The following PDGFC variants were observed in gnomAD, a reference collection of about 807,000 sequenced individuals.
The protein encoded by PDGFC is platelet-derived growth factor C.
In PDGFC, 12 loss-of-function variants were observed where a neutral mutation model predicts 35.5. That is an observed-to-expected ratio of 0.34 (90% CI 0.22 to 0.55). The LOEUF (loss-of-function observed/expected upper bound fraction) is 0.55, where lower values mean the gene tolerates loss of function less well. Among genes scored for constraint, PDGFC ranks in the 20% least tolerant of loss-of-function variants. The probability of loss-of-function intolerance (pLI) is 0.91; values close to 1 mark genes in which losing one functional copy is unlikely to be tolerated. For synonymous variants in PDGFC, 159 were observed against 148.8 expected (o/e 1.07, Z -0.50); for missense variants, 322 against 412.4 (o/e 0.78, Z 1.90).
intron 2 of PDGFC, among the ~76,000 whole-genome samples, chr4:156,829,991 C>T (rs2111017725): frequency 6.6e-6 from 1 of 152,042 alleles, no homozygotes; most frequent in African/African-American, 2.4e-5. Flanking sequence ...TTTAATAGAA[C>T]CAAATAGAAA....
chr4:156,769,824 C>T (rs192900534), intron 4 of PDGFC, among the ~76,000 whole-genome samples: 47 of 152,066 alleles, frequency 3.1e-4, no homozygotes, highest in African/African-American at 9.9e-4. Flanking sequence ...TATATATGAG[C>T]TTATTTGAAG....
chr4:156,924,525 CT>C (rs1400357017), intron 1 of PDGFC, among the ~76,000 whole-genome samples: 3 of 152,126 alleles, frequency 2.0e-5, no homozygotes, highest in Admixed American at 2.0e-4. Flanking sequence ...AAGGTAGCTC[CT>C]TTAGGGGTCA....
At chr4:156,859,672 G>A (rs981789580) in intron 1 of PDGFC, among the ~76,000 whole-genome samples, 2 of 151,940 alleles carry the variant, frequency 1.3e-5, no homozygotes. Flanking sequence ...AACAATTTTT[G>A]TCAATCTTAA....
At chr4:156,785,124 A>C (rs1731087950) in intron 3 of PDGFC, among the ~76,000 whole-genome samples, 1 of 152,248 alleles carries the variant, frequency 6.6e-6, no homozygotes, top group Non-Finnish European at 1.5e-5. Context: ...TGTGATATAA[A>C]CTATAAAGCA....
chr4:156,803,476 GA>G (rs1447768827), intron 3 of PDGFC, among the ~76,000 whole-genome samples: 1 of 152,100 alleles, frequency 6.6e-6, no homozygotes, highest in African/African-American at 2.4e-5. Context: ...GAGGGTGACA[GA>G]AAGTGAAAGA....
chr4:156,955,568 A>G (rs975089200), intron 1 of PDGFC, among the ~76,000 whole-genome samples: 1 of 152,058 alleles, frequency 6.6e-6, no homozygotes, highest in Non-Finnish European at 1.5e-5. Flanking sequence ...TGATAAAATA[A>G]TAATACGAAA....
chr4:156,801,928 A>G (rs1415515436), intron 3 of PDGFC, among the ~76,000 whole-genome samples: 1 of 152,222 alleles, frequency 6.6e-6, no homozygotes, highest in East Asian at 1.9e-4. Context: ...AAAAGGTTAA[A>G]TATCTTCACA....
intron 1 of PDGFC, among the ~76,000 whole-genome samples, chr4:156,918,780 G>A (rs964911386): frequency 6.6e-6 from 1 of 152,092 alleles, no homozygotes; most frequent in African/African-American, 2.4e-5. Context: ...GGTCAGGGAC[G>A]GCTTCCTTAA....
intron 2 of PDGFC, among the ~76,000 whole-genome samples, chr4:156,823,763 G>A (rs1223372094): frequency 3.9e-5 from 6 of 152,072 alleles, no homozygotes; most frequent in Non-Finnish European, 5.9e-5. Flanking sequence ...TCAATATGTC[G>A]AAGAGATATC....
intron 3 of PDGFC, among the ~76,000 whole-genome samples, chr4:156,793,178 A>G (rs28562092): frequency 0.077 from 11,652 of 152,120 alleles, 1,496 homozygotes; most frequent in African/African-American, 0.26. Flanking sequence ...AAAGGAGTCA[A>G]ATGTTGATAG....
At chr4:156,789,287 A>G (rs1233629549) in intron 3 of PDGFC, among the ~76,000 whole-genome samples, 1 of 152,230 alleles carries the variant, frequency 6.6e-6, no homozygotes, top group Non-Finnish European at 1.5e-5. Context: ...AAATAGTAAC[A>G]TAGAAAATAA....
chr4:156,831,795 G>A lies in PDGFC; in HGVS notation c.314+18426C>T, dbSNP rs576185666. On this transcript the variant is annotated intron_variant, in intron 2 of 5. Transcript: ENST00000502773. Reference sequence around the variant, plus strand: ...AATGTAACTGGCTTTTTAAAAACAAGGACACTAGACTGTATTTCGAGTAAT... The same window carrying A: ...AATGTAACTGGCTTTTTAAAAACAAAGACACTAGACTGTATTTCGAGTAAT... Among the ~76,000 whole-genome samples the A allele has an allele frequency of 1.5e-4, 23 of 151,982 alleles. No homozygotes were observed. The South Asian group carries it at 4.6e-3, about 30-fold the overall frequency.
At chr4:156,925,273 G>A (rs1731380442) in intron 1 of PDGFC, among the ~76,000 whole-genome samples, 1 of 152,168 alleles carries the variant, frequency 6.6e-6, no homozygotes, top group Non-Finnish European at 1.5e-5. Context: ...AGGCTGGACA[G>A]GCTCTTATGT....
At chr4:156,876,358 G>A (rs1730116460) in intron 1 of PDGFC, 1 of 152,112 alleles carries the variant, frequency 6.6e-6, no homozygotes, top group Non-Finnish European at 1.5e-5. Context: ...TTTCCTTATT[G>A]AAAAAAGTTA....
At position 156,900,669 on chromosome 4, in the gene PDGFC, C is replaced by T. The variant is rs149446063; in HGVS notation, c.119-50253G>A. Reference sequence around the variant, plus strand: ...CAGCAAGGGCAACATGGCAAAACATCATCTCTACAAAAAATATTTTAAAAA... The same window carrying T: ...CAGCAAGGGCAACATGGCAAAACATTATCTCTACAAAAAATATTTTAAAAA... On this transcript the variant is annotated intron_variant, in intron 1 of 5. Coordinates refer to ENST00000502773, the MANE Select transcript of PDGFC (RefSeq NM_016205.3). 3.5e-3 allele frequency among the ~76,000 whole-genome samples: 532 copies of T among 152,090 alleles called. 4 individuals carry two copies. Among genetic ancestry groups the T allele is most frequent in the African/African-American group, 0.012 (502 of 41,494 alleles).
At chr4:156,818,830 A>G (rs1416702160) in intron 2 of PDGFC, among the ~76,000 whole-genome samples, 1 of 152,162 alleles carries the variant, frequency 6.6e-6, no homozygotes, top group African/African-American at 2.4e-5. Flanking sequence ...ATTTAAAGTG[A>G]GAGACAGTGA....
chr4:156,922,924 G>T (rs915690400), intron 1 of PDGFC, among the ~76,000 whole-genome samples: 8 of 152,150 alleles, frequency 5.3e-5, no homozygotes, highest in African/African-American at 1.9e-4. Flanking sequence ...CTACTGCCCT[G>T]ATACAAGTTA....
intron 2 of PDGFC, among the ~76,000 whole-genome samples, chr4:156,814,342 G>C (rs1388958939): frequency 1.3e-5 from 2 of 152,212 alleles, no homozygotes; most frequent in African/African-American, 2.4e-5. Context: ...TCCTGAGAAG[G>C]AGCAGTCAGG....
chr4:156,957,700 G>T (rs1732245197), intron 1 of PDGFC, among the ~76,000 whole-genome samples: 1 of 151,956 alleles, frequency 6.6e-6, no homozygotes, highest in Non-Finnish European at 1.5e-5. Context: ...TAGCTGGGAT[G>T]GGCGGGTGGA....
Sources: gnomAD v4.1 joint callset for allele counts (sites outside exome capture counted in the v4.1 genomes callset) on GRCh38, gnomAD v4.1.1 for gene constraint, MANE v1.5 for transcripts, NCBI Gene and HGNC (gene_info 2026-07-23, HGNC 2026-07-21) for gene names.